The following ZDHHC20 variants were observed in gnomAD, a reference collection of about 807,000 sequenced individuals.
The protein encoded by ZDHHC20 is palmitoyltransferase ZDHHC20.
ZDHHC20 carries 43 observed loss-of-function variants against 57.8 expected under a neutral mutation model. That is an observed-to-expected ratio of 0.74 (90% CI 0.58 to 0.96). ZDHHC20 has a LOEUF of 0.96. ZDHHC20 is among the 40% of genes least tolerant of loss of function. ZDHHC20 has a pLI of 0.00. For synonymous variants in ZDHHC20, 157 were observed against 153.0 expected (o/e 1.03, Z -0.19); for missense variants, 391 against 441.1 (o/e 0.89, Z 1.02).
intron 4 of ZDHHC20, among the ~76,000 whole-genome samples, chr13:21,412,483 C>T (rs1879342127): frequency 6.6e-6 from 1 of 152,030 alleles, no homozygotes; most frequent in Non-Finnish European, 1.5e-5. Context: ...GAAGAACAAT[C>T]ATACAAGTAA....
At chr13:21,421,629 A>T (rs1880658909) in intron 2 of ZDHHC20, among the ~76,000 whole-genome samples, 1 of 152,200 alleles carries the variant, frequency 6.6e-6, no homozygotes, top group African/African-American at 2.4e-5. Flanking sequence ...TTGTTCAGAA[A>T]AAGTGACCTA....
chr13:21,391,884 T>A, intron 7 of ZDHHC20, 30 bp from the exon 8 acceptor site: 1 of 1,593,890 alleles, frequency 6.3e-7, no homozygotes, highest in Non-Finnish European at 8.5e-7. Flanking sequence ...AATTTTGAGG[T>A]CAACCTCTAA....
At chr13:21,403,136 C>T (rs1877942187) in intron 4 of ZDHHC20, among the ~76,000 whole-genome samples, 1 of 152,128 alleles carries the variant, frequency 6.6e-6, no homozygotes, top group African/African-American at 2.4e-5. Flanking sequence ...CAAGGTCAAA[C>T]ACCAGGGTGA....
chr13:21,381,346 T>A (rs1390763336), intron 11 of ZDHHC20, 88 bp downstream of exon 11: 4 of 1,073,158 alleles, frequency 3.7e-6, no homozygotes, highest in Non-Finnish European at 5.4e-6. Context: ...TTTTAAAATG[T>A]TACATTATTT....
chr13:21,378,364 T>G (rs1299452514), intron 12 of ZDHHC20, among the ~76,000 whole-genome samples: 1 of 152,232 alleles, frequency 6.6e-6, no homozygotes, highest in South Asian at 2.1e-4. Context: ...CTGCCCACCT[T>G]TTTTTCTTTA....
At chr13:21,417,922 A>C (rs1880203763) in intron 3 of ZDHHC20, among the ~76,000 whole-genome samples, 1 of 152,148 alleles carries the variant, frequency 6.6e-6, no homozygotes, top group South Asian at 2.1e-4. Flanking sequence ...ATTAACATCA[A>C]ATTCACAGCT....
Position 21,448,656 on chromosome 13 carries a change from G to A in ZDHHC20, c.118+10398C>T, listed in dbSNP as rs1349946313. 2.5e-4 allele frequency among the ~76,000 whole-genome samples: 25 copies of A among 98,546 alleles called. 3 individuals carry two copies. Among genetic ancestry groups the A allele is most frequent in the Admixed American group, 8.6e-4 (9 of 10,488 alleles). The allele number at this position is 98,546 out of a possible 152,430, so 64.7% of individuals were successfully genotyped here. ...CGGGAGGTGAGGGGCGCCTCTGCCC[G>A]GCTGCCCCTACTGGGAAGTGAGGAG... On this transcript the variant is annotated intron_variant, in intron 1 of 12. Coordinates refer to ENST00000400590, the MANE Select transcript of ZDHHC20 (RefSeq NM_001330059.2).
chr13:21,430,273 T>C (rs1425979460), intron 1 of ZDHHC20, among the ~76,000 whole-genome samples: 1 of 152,116 alleles, frequency 6.6e-6, no homozygotes, highest in Non-Finnish European at 1.5e-5. Context: ...GGAGTCCAAG[T>C]CCCAGCTCCC....
Position 21,373,046 on chromosome 13 carries a change from T to A in ZDHHC20, c.*3650A>T, listed in dbSNP as rs779295682. On this transcript the variant is annotated 3_prime_UTR_variant, in exon 13 of 13. Transcript: ENST00000400590. ...ATTGGAAAATACAGTTTAGATCATA[T>A]GAAACATATGGATTTCAGACATGTA... 1.2e-4 allele frequency: 18 copies of A among 150,868 alleles called. No individual in the cohort carries two copies. Among genetic ancestry groups the A allele is most frequent in the Non-Finnish European group, 1.5e-4 (10 of 67,224 alleles). The allele number at this position is 150,868 out of a possible 1,614,324, so 9.3% of individuals were successfully genotyped here.
rs1388346884 is a variant in ZDHHC20, at chr13:21,387,684, T to C, written c.728-50A>G. 8.4e-6 allele frequency: 10 copies of C among 1,197,440 alleles called. No homozygotes were observed. The African/African-American group carries it at 1.6e-4, about 19-fold the overall frequency. 74.2% of individuals were successfully genotyped at this position (1,197,440 alleles called of 1,614,324 possible). ...AACTAATTAATCTATTTAAAAATTA[T>C]AGGAGGGATGGAAATTACCAATTTT... is the stretch of plus-strand genomic sequence containing the variant. On this transcript the variant is annotated intron_variant, in intron 8 of 12. Transcript: ENST00000400590.
Position 21,375,448 on chromosome 13 carries a change from C to T in ZDHHC20, c.*1248G>A, listed in dbSNP as rs1871930538. 4.3e-6 allele frequency: 1 copy of T among 233,654 alleles called. No individual in the cohort carries two copies. The highest frequency in any genetic ancestry group is 4.6e-5 in the South Asian group (1 of 21,800). 14.5% of individuals were successfully genotyped at this position (233,654 alleles called of 1,614,324 possible). A position where few individuals can be genotyped will look rare whatever the true frequency, so the allele number is the denominator to read the frequency against. ...CTTTTCCTTGGAGTTAATGCAACAC[C>T]TCCTGTCGCTTAGATTTTAAAAGGA... is the stretch of plus-strand genomic sequence containing the variant. On this transcript the variant is annotated 3_prime_UTR_variant, in exon 13 of 13. Transcript: ENST00000400590.
chr13:21,414,593 G>A (rs554798421), intron 3 of ZDHHC20, among the ~76,000 whole-genome samples: 84 of 142,934 alleles, frequency 5.9e-4, no homozygotes, highest in Middle Eastern at 3.9e-3. Flanking sequence ...GGATGGTCTC[G>A]ATCTCCTGAC....
At chr13:21,393,798 C>T (rs758147043) in intron 7 of ZDHHC20, among the ~76,000 whole-genome samples, 4 of 151,428 alleles carry the variant, frequency 2.6e-5, no homozygotes, top group Non-Finnish European at 5.9e-5. Flanking sequence ...GTGATCCTCC[C>T]GCCTTGGCCT....
chr13:21,378,481 T>C (rs1872644845), intron 12 of ZDHHC20, among the ~76,000 whole-genome samples, 180 bp downstream of exon 12: 1 of 152,214 alleles, frequency 6.6e-6, no homozygotes, highest in Admixed American at 6.5e-5. Flanking sequence ...ACTAAGATTA[T>C]TCTATAAGGA....
chr13:21,400,615 G>C, intron 6 of ZDHHC20, 122 bp from the exon 7 acceptor site: 5 of 965,964 alleles, frequency 5.2e-6, no homozygotes, highest in Non-Finnish European at 7.6e-6. Context: ...TTTTTAATGC[G>C]AATAAAATTT....
intron 1 of ZDHHC20, among the ~76,000 whole-genome samples, chr13:21,453,136 C>G (rs1331675653): frequency 6.6e-6 from 1 of 152,266 alleles, no homozygotes; most frequent in Admixed American, 6.5e-5. Flanking sequence ...ATACATCATG[C>G]TCACAATAAT....
chr13:21,419,714 T>C (rs1045595994), intron 3 of ZDHHC20, among the ~76,000 whole-genome samples: 22 of 152,192 alleles, frequency 1.4e-4, no homozygotes, highest in Non-Finnish European at 1.5e-5. Context: ...GAGTGGCCTC[T>C]TATGAAGTGG....
At chr13:21,383,667 C>T (rs1266612322) in intron 9 of ZDHHC20, among the ~76,000 whole-genome samples, 1 of 152,172 alleles carries the variant, frequency 6.6e-6, no homozygotes, top group Non-Finnish European at 1.5e-5. Flanking sequence ...TTATCATAAT[C>T]ATTCAGGCTC....
chr13:21,425,743 A>G, intron 1 of ZDHHC20, 65 bp from the exon 2 acceptor site: 1 of 946,916 alleles, frequency 1.1e-6, no homozygotes, highest in Non-Finnish European at 1.4e-6. Context: ...GTTTTATTTC[A>G]GGTTGAATAT....
Sources: allele counts gnomAD v4.1 joint callset (sites outside exome capture counted in the v4.1 genomes callset), GRCh38; gene constraint gnomAD v4.1.1; transcripts MANE v1.5; gene names NCBI Gene and HGNC (gene_info 2026-07-23, HGNC 2026-07-21).